ZNF385D: variants seen among roughly 807,000 people sequenced by gnomAD.
The protein encoded by ZNF385D is zinc finger protein 385D.
Under a neutral mutation model 35.8 loss-of-function variants are expected in ZNF385D, and 15 were observed. The observed-to-expected ratio is 0.42, with a 90% CI of 0.28 to 0.64. The LOEUF is 0.64. Among genes scored for constraint, ZNF385D ranks in the 30% least tolerant of loss-of-function variants. The pLI is 0.23. For synonymous variants in ZNF385D, 212 were observed against 186.8 expected, an observed-to-expected ratio of 1.13 and a Z score of -1.10; for missense variants, 474 against 494.6, an observed-to-expected ratio of 0.96 and a Z score of 0.39.
intron 2 of ZNF385D, among the ~76,000 whole-genome samples, chr3:21,583,986 A>ATTTATTTT (rs1559431670): frequency 6.7e-6 from 1 of 149,692 alleles, no homozygotes; most frequent in African/African-American, 2.5e-5. Flanking sequence ...TTATTTATTT[A>ATTTATTTT]TTTTTTGAGA....
chr3:22,079,358 CATG>C (rs1700625673), intron 3 of ZNF385D, among the ~76,000 whole-genome samples: 1 of 151,812 alleles, frequency 6.6e-6, no homozygotes, highest in African/African-American at 2.4e-5. Flanking sequence ...AAATAAATTA[CATG>C]ATTACAACAT....
At chr3:21,892,209 T>A (rs1046252345) in intron 3 of ZNF385D, among the ~76,000 whole-genome samples, 2 of 152,144 alleles carry the variant, frequency 1.3e-5, no homozygotes, top group Admixed American at 1.3e-4. Context: ...ATGGAAAAAT[T>A]TGAATATATA....
At chr3:22,235,117 G>T (rs1699103234) in intron 2 of ZNF385D, among the ~76,000 whole-genome samples, 1 of 151,974 alleles carries the variant, frequency 6.6e-6, no homozygotes. Context: ...AGGAAAATAT[G>T]TATGTGTATG....
chr3:22,035,671 C>T (rs780970625), intron 3 of ZNF385D, among the ~76,000 whole-genome samples: 2 of 152,118 alleles, frequency 1.3e-5, no homozygotes, highest in African/African-American at 2.4e-5. Flanking sequence ...GAAACCCCCA[C>T]CTAATCAGCA....
At chr3:21,814,488 G>A (rs950821484) in intron 3 of ZNF385D, among the ~76,000 whole-genome samples, 1 of 152,098 alleles carries the variant, frequency 6.6e-6, no homozygotes, top group Non-Finnish European at 1.5e-5. Flanking sequence ...GATGGAGGAA[G>A]ATCTACCAAG....
chr3:21,963,615 G>A (rs1255603813), intron 3 of ZNF385D, among the ~76,000 whole-genome samples: 1 of 152,090 alleles, frequency 6.6e-6, no homozygotes, highest in African/African-American at 2.4e-5. Flanking sequence ...TGCCGCTGGT[G>A]GTTGACAGTT....
intron 3 of ZNF385D, among the ~76,000 whole-genome samples, chr3:21,813,832 A>G (rs200098955): frequency 0.083 from 12,679 of 152,028 alleles, 788 homozygotes; most frequent in East Asian, 0.31. Context: ...CCAACATTGA[A>G]ATTCAGGAAA....
At chr3:21,665,793 ACT>A (rs2066387955) in intron 1 of ZNF385D, among the ~76,000 whole-genome samples, 1 of 152,050 alleles carries the variant, frequency 6.6e-6, no homozygotes, top group Admixed American at 6.5e-5. Context: ...CCGTTATAGG[ACT>A]CTGCCACACT....
At chr3:21,942,950 T>C (rs1701603624) in intron 3 of ZNF385D, among the ~76,000 whole-genome samples, 1 of 152,196 alleles carries the variant, frequency 6.6e-6, no homozygotes, top group African/African-American at 2.4e-5. Flanking sequence ...TGTAAGATGT[T>C]ATAACTTAAC....
chr3:22,222,760 A>G (rs1212719262), intron 2 of ZNF385D, among the ~76,000 whole-genome samples: 1 of 152,196 alleles, frequency 6.6e-6, no homozygotes, highest in African/African-American at 2.4e-5. Flanking sequence ...TAAAATGTGA[A>G]TTTTTATTAT....
At chr3:21,675,519 C>A (rs2066698655) in intron 1 of ZNF385D, among the ~76,000 whole-genome samples, 1 of 152,078 alleles carries the variant, frequency 6.6e-6, no homozygotes, top group Non-Finnish European at 1.5e-5. Flanking sequence ...TGTCCAAAAA[C>A]ATTCTGCTTC....
intron 2 of ZNF385D, among the ~76,000 whole-genome samples, chr3:21,597,057 T>C (rs13082588): frequency 0.22 from 32,718 of 152,122 alleles, 4,083 homozygotes; most frequent in Middle Eastern, 0.29. Flanking sequence ...AATTAAATAG[T>C]ATATTTTTAG....
intron 2 of ZNF385D, among the ~76,000 whole-genome samples, chr3:22,265,285 T>A (rs1700840877): frequency 6.6e-6 from 1 of 151,976 alleles, no homozygotes; most frequent in South Asian, 2.1e-4. Flanking sequence ...ATGTTTAAGC[T>A]AAGAACATTT....
intron 3 of ZNF385D, among the ~76,000 whole-genome samples, chr3:21,846,035 A>G (rs1209408142): frequency 1.3e-5 from 2 of 152,022 alleles, no homozygotes; most frequent in Non-Finnish European, 2.9e-5. Flanking sequence ...CTAGTAACAT[A>G]CAGAAAACAT....
chr3:21,594,883 A>G (rs2064086472), intron 2 of ZNF385D, among the ~76,000 whole-genome samples: 1 of 152,196 alleles, frequency 6.6e-6, no homozygotes, highest in South Asian at 2.1e-4. Flanking sequence ...CATTTTTAAA[A>G]ACACATGGAC....
At chr3:22,100,740 G>A (rs935010302) in intron 3 of ZNF385D, among the ~76,000 whole-genome samples, 2 of 151,194 alleles carry the variant, frequency 1.3e-5, no homozygotes, top group African/African-American at 4.9e-5. Context: ...GCTAGATGAC[G>A]AGTTAGTGGG....
chr3:22,176,015 T>C (rs936626150), intron 2 of ZNF385D, among the ~76,000 whole-genome samples: 6 of 150,682 alleles, frequency 4.0e-5, no homozygotes, highest in African/African-American at 1.5e-4. Context: ...TGTAAATAGT[T>C]CACAAGCTGT....
At chr3:22,248,165 G>A (rs1699886920) in intron 2 of ZNF385D, among the ~76,000 whole-genome samples, 1 of 152,138 alleles carries the variant, frequency 6.6e-6, no homozygotes, top group South Asian at 2.1e-4. Context: ...GTATTCTAGT[G>A]TAATCAAAGT....
intron 3 of ZNF385D, among the ~76,000 whole-genome samples, chr3:21,832,621 G>C (rs1695066850): frequency 6.6e-6 from 1 of 152,260 alleles, no homozygotes; most frequent in East Asian, 1.9e-4. Context: ...TTTGAAATTT[G>C]CATTATTCAA....
Sources: allele counts gnomAD v4.1 joint callset (sites outside exome capture counted in the v4.1 genomes callset), GRCh38; gene constraint gnomAD v4.1.1; transcripts MANE v1.5; gene names NCBI Gene and HGNC (gene_info 2026-07-23, HGNC 2026-07-21).